The following PRKCH variants were observed in gnomAD, a reference collection of about 807,000 sequenced individuals.
PRKCH encodes protein kinase C eta type.
PRKCH carries 28 observed loss-of-function variants against 82.5 expected under a neutral mutation model. The ratio of observed to expected loss-of-function variants is 0.34; its 90% CI spans 0.25 to 0.47. PRKCH has a LOEUF of 0.47. PRKCH is among the 20% of genes least tolerant of loss of function. The pLI, the probability that PRKCH is intolerant of heterozygous loss-of-function variation, is 1.00. For synonymous variants in PRKCH, 322 were observed against 327.4 expected (o/e 0.98, Z 0.18); for missense variants, 705 against 881.8 (o/e 0.80, Z 2.54).
intron 1 of PRKCH, among the ~76,000 whole-genome samples, chr14:61,385,523 C>T (rs531239136): frequency 6.6e-5 from 10 of 152,254 alleles, no homozygotes; most frequent in Admixed American, 3.9e-4. Flanking sequence ...CTTCTCAGAG[C>T]GCCCATGTAT....
chr14:61,376,686 C>T (rs1281511117), intron 1 of PRKCH, among the ~76,000 whole-genome samples: 2 of 151,368 alleles, frequency 1.3e-5, no homozygotes, highest in African/African-American at 2.4e-5. Context: ...TTCTGCCCAG[C>T]ACCTCCAGCC....
rs1012455190 is a variant in PRKCH, at chr14:61,309,702, C to T, written c.-19+122034C>T. On this transcript the variant is annotated intron_variant, in intron 1 of 3. Transcript: ENST00000555185. ...TTGGATCATCTAACTCCCCATGCCACCCCAAAAGGTCATGAATGGAAGATC... is the reference window on the plus strand; with the variant it reads ...TTGGATCATCTAACTCCCCATGCCATCCCAAAAGGTCATGAATGGAAGATC... 4.6e-5 allele frequency among the ~76,000 whole-genome samples: 7 copies of T among 152,124 alleles called. No homozygotes were observed. In the East Asian group the frequency reaches 1.3e-3, roughly 29 times the overall value.
At chr14:61,190,450 T>C (rs1446830087) in intron 1 of PRKCH, among the ~76,000 whole-genome samples, 2 of 152,206 alleles carry the variant, frequency 1.3e-5, no homozygotes, top group South Asian at 2.1e-4. Flanking sequence ...GTCCATTCTC[T>C]AAACAGCAGT....
chr14:61,367,741 G>C (rs1226517230), intron 1 of PRKCH, among the ~76,000 whole-genome samples: 1 of 141,198 alleles, frequency 7.1e-6, no homozygotes, highest in East Asian at 2.0e-4. Flanking sequence ...TTTTTAAACA[G>C]TCTCGCTCTT....
Position 61,322,478 on chromosome 14 carries a change from A to G in PRKCH, c.363+14A>G, listed in dbSNP as rs1180309921. The G allele has an allele frequency of 1.9e-6, 3 of 1,582,320 alleles. No homozygotes were observed. In the African/African-American group the frequency reaches 4.0e-5, roughly 21 times the overall value. ...TTCGAGGGTTGGGTGAGTAGCGGTGACCCCTTCCCTTTGTGTCCACCCAAC... is the reference window on the plus strand; with the variant it reads ...TTCGAGGGTTGGGTGAGTAGCGGTGGCCCCTTCCCTTTGTGTCCACCCAAC... On this transcript the variant is annotated intron_variant, in intron 1 of 13. Transcript: ENST00000332981.
In PRKCH at chr14:61,543,223, C is replaced by T. The variant is rs139190879; in HGVS notation, c.1762-4520C>T. 7 of 152,256 alleles carry T rather than the reference C, an allele frequency of 4.6e-5. No individual in the cohort carries two copies. In the East Asian group the frequency reaches 5.8e-4, roughly 13 times the overall value. 9.4% of individuals were successfully genotyped at this position (152,256 alleles called of 1,614,324 possible). ...CCTTTACATGTCCCCTTAGAACTAG[C>T]GTCAGGAGGGAGCATGCCTGCTTGC... On this transcript the variant is annotated intron_variant, in intron 12 of 13. Coordinates refer to ENST00000332981, the MANE Select transcript of PRKCH (RefSeq NM_006255.5).
At chr14:61,375,528 A>T (rs1362186676) in intron 1 of PRKCH, among the ~76,000 whole-genome samples, 1 of 152,030 alleles carries the variant, frequency 6.6e-6, no homozygotes, top group Admixed American at 6.5e-5. Flanking sequence ...TAATTGACTC[A>T]GATTTCTGCA....
At chr14:61,344,337 C>G (rs2045964893) in intron 1 of PRKCH, 1 of 152,186 alleles carries the variant, frequency 6.6e-6, no homozygotes, top group South Asian at 2.1e-4. Context: ...ACAGAAGTGT[C>G]CTGTGGTACG....
intron 1 of PRKCH, among the ~76,000 whole-genome samples, chr14:61,381,297 G>A (rs2046506450): frequency 6.6e-6 from 1 of 152,166 alleles, no homozygotes. Flanking sequence ...ACCAGTAAAG[G>A]CTTTAATCAG....
chr14:61,528,982 GT>G, intron 10 of PRKCH, 92 bp from the exon 11 acceptor site: 2 of 1,148,244 alleles, frequency 1.7e-6, no homozygotes, highest in East Asian at 2.5e-5. Flanking sequence ...ACGTGTGTGT[GT>G]GTGTGTGTGT....
chr14:61,355,868 C>CAAG (rs1454732866), intron 1 of PRKCH, among the ~76,000 whole-genome samples: 8 of 152,180 alleles, frequency 5.3e-5, no homozygotes, highest in Non-Finnish European at 1.2e-4. Context: ...TTAGAAGTGT[C>CAAG]ACTTGCAAGA....
intron 12 of PRKCH, among the ~76,000 whole-genome samples, chr14:61,541,266 C>T (rs151027286): frequency 1.0e-4 from 16 of 152,392 alleles, no homozygotes; most frequent in Non-Finnish European, 1.5e-4. Context: ...CAGACAGACA[C>T]GCGCCTGCAA....
At chr14:61,332,266 G>A (rs2045799079) in intron 1 of PRKCH, among the ~76,000 whole-genome samples, 1 of 152,198 alleles carries the variant, frequency 6.6e-6, no homozygotes, top group African/African-American at 2.4e-5. Flanking sequence ...CTATGGTAGT[G>A]TTTAAGTGCT....
intron 9 of PRKCH, among the ~76,000 whole-genome samples, chr14:61,475,152 GTATTTT>G (rs1011746694): frequency 6.6e-6 from 1 of 152,148 alleles, no homozygotes; most frequent in Non-Finnish European, 1.5e-5. Flanking sequence ...AAATGAAATG[GTATTTT>G]TACTCTTTAT....
chr14:61,244,935 C>T (rs1164314346), intron 1 of PRKCH, among the ~76,000 whole-genome samples: 1 of 152,072 alleles, frequency 6.6e-6, no homozygotes, highest in Non-Finnish European at 1.5e-5. Flanking sequence ...AGACTGTAGC[C>T]GGCAGACCAC....
At chr14:61,327,872 A>AC (rs2045718859) in intron 1 of PRKCH, among the ~76,000 whole-genome samples, 1 of 152,264 alleles carries the variant, frequency 6.6e-6, no homozygotes, top group Non-Finnish European at 1.5e-5. Flanking sequence ...TTTCTAAAAG[A>AC]AAGAAATGAA....
At chr14:61,324,697 C>T (rs1339670272) in intron 1 of PRKCH, among the ~76,000 whole-genome samples, 1 of 152,104 alleles carries the variant, frequency 6.6e-6, no homozygotes. Context: ...GGCCTCAAGC[C>T]ATCCTCCCAC....
At chr14:61,418,306 A>G (rs550581140) in intron 2 of PRKCH, among the ~76,000 whole-genome samples, 1 of 152,212 alleles carries the variant, frequency 6.6e-6, no homozygotes, top group Non-Finnish European at 1.5e-5. Context: ...TGTCCTGGTG[A>G]TAAGGAGGTG....
intron 9 of PRKCH, among the ~76,000 whole-genome samples, 154 bp from the exon 10 acceptor site, chr14:61,485,348 T>C (rs905179610): frequency 6.6e-6 from 1 of 151,968 alleles, no homozygotes; most frequent in African/African-American, 2.4e-5. Flanking sequence ...ACCAGACCGG[T>C]TGCACTGCAC....
Sources: allele counts gnomAD v4.1 joint callset (sites outside exome capture counted in the v4.1 genomes callset), GRCh38; gene constraint gnomAD v4.1.1; transcripts MANE v1.5; gene names NCBI Gene and HGNC (gene_info 2026-07-23, HGNC 2026-07-21).